The following RNF130 variants were observed in gnomAD, a reference collection of about 807,000 sequenced individuals.
RNF130 encodes ring finger protein 130.
In RNF130, 21 loss-of-function variants were observed where a neutral mutation model predicts 44.6. The observed-to-expected ratio is 0.47, with a 90% confidence interval of 0.33 to 0.68. The LOEUF is 0.68. Ranked by LOEUF, RNF130 falls within the 30% of genes least tolerant of loss-of-function variation. RNF130 has a pLI of 0.02. For missense variants in RNF130, 479 were observed against 560.6 expected, an observed-to-expected ratio of 0.85 and a Z score of 1.47; for synonymous variants, 214 against 210.4, an observed-to-expected ratio of 1.02 and a Z score of -0.15.
At chr5:180,038,058 T>C (rs969466234) in intron 2 of RNF130, among the ~76,000 whole-genome samples, 1 of 152,190 alleles carries the variant, frequency 6.6e-6, no homozygotes, top group Non-Finnish European at 1.5e-5. Flanking sequence ...TTGTTTAGTT[T>C]TGTGTTTGTC....
At chr5:179,918,964 G>C (rs1002677236) in exon 8 of RNF130, 1 of 152,366 alleles carries the variant, frequency 6.6e-6, no homozygotes, top group South Asian at 2.1e-4. Context: ...CACAGTCAGT[G>C]AGAACAGGGC....
chr5:179,932,471 G>A lies in RNF130; in HGVS notation c.1151-12045C>T, dbSNP rs371770048. 1.1e-4 allele frequency among the ~76,000 whole-genome samples: 16 copies of A among 151,948 alleles called. No homozygotes were observed. In the East Asian group the frequency reaches 2.9e-3, roughly 28 times the overall value. On this transcript the variant is annotated intron_variant, in intron 7 of 7. Transcript: ENST00000522208. ...GACGGGGTTTCACCATATTGGTCAG[G>A]CTGGTCTCAAACTCCTGACCTCAAA...
intron 7 of RNF130, among the ~76,000 whole-genome samples, chr5:179,965,021 AT>A (rs1762409664): frequency 6.6e-6 from 1 of 152,210 alleles, no homozygotes; most frequent in Non-Finnish European, 1.5e-5. Flanking sequence ...TTAACACAGT[AT>A]CCTCTTTTTT....
intron 3 of RNF130, among the ~76,000 whole-genome samples, chr5:180,002,786 C>G (rs1204335291): frequency 6.6e-6 from 1 of 152,174 alleles, no homozygotes; most frequent in South Asian, 2.1e-4. Flanking sequence ...TCTGTCATTC[C>G]TCGGATGCAC....
intron 1 of RNF130, among the ~76,000 whole-genome samples, chr5:180,044,996 A>G (rs1038368123): frequency 1.3e-4 from 20 of 152,136 alleles, no homozygotes; most frequent in African/African-American, 3.6e-4. Context: ...CCCACATGGA[A>G]CCCCTGAAAC....
At chr5:180,055,260 AAAAAAAAAAAAAAAAAAAAAC>A (rs1456382859) in intron 1 of RNF130, among the ~76,000 whole-genome samples, 16,363 of 56,410 alleles carry the variant, frequency 0.29, 1,661 homozygotes, top group South Asian at 0.41. Context: ...AAAAAAAAAA[AAAAAAAAAAAAAAAAAAAAAC>A]AAAAAAAAAC....
intron 3 of RNF130, among the ~76,000 whole-genome samples, chr5:179,987,699 C>T (rs918408852): frequency 6.6e-6 from 1 of 152,168 alleles, no homozygotes; most frequent in Non-Finnish European, 1.5e-5. Context: ...TTTTATCAAA[C>T]GCCTTTTCTG....
chr5:179,924,427 G>A (rs1025288403), intron 7 of RNF130, among the ~76,000 whole-genome samples: 7 of 151,950 alleles, frequency 4.6e-5, no homozygotes, highest in Admixed American at 1.3e-4. Context: ...CCCAGGAGGC[G>A]GAGGTTGCGG....
chr5:179,934,187 C>A, intron 7 of RNF130: 1 of 172,968 alleles, frequency 5.8e-6, no homozygotes, highest in Non-Finnish European at 1.2e-5. Flanking sequence ...TCGACGTTGG[C>A]GCATAGCAGC....
intron 3 of RNF130, among the ~76,000 whole-genome samples, chr5:180,004,948 A>G (rs1326270275): frequency 6.6e-6 from 1 of 152,210 alleles, no homozygotes; most frequent in African/African-American, 2.4e-5. Context: ...TTTTCTCAAA[A>G]GAAGCCTCTG....
chr5:179,960,137 G>A (rs867318699), intron 8 of RNF130, among the ~76,000 whole-genome samples: 3 of 152,124 alleles, frequency 2.0e-5, no homozygotes, highest in South Asian at 4.1e-4. Context: ...CATTTCACAA[G>A]GTTTATATGA....
At chr5:180,052,794 G>T (rs1334053330) in intron 1 of RNF130, among the ~76,000 whole-genome samples, 1 of 152,138 alleles carries the variant, frequency 6.6e-6, no homozygotes, top group Admixed American at 6.5e-5. Context: ...TACAGAAAAA[G>T]AAAGACTGAG....
intron 2 of RNF130, among the ~76,000 whole-genome samples, chr5:180,035,799 T>C (rs1764235961): frequency 6.6e-6 from 1 of 152,218 alleles, no homozygotes; most frequent in Non-Finnish European, 1.5e-5. Flanking sequence ...CTAGTGAATT[T>C]TCCATTTCCA....
chr5:180,026,820 T>C (rs1764001325), intron 2 of RNF130, among the ~76,000 whole-genome samples: 2 of 152,354 alleles, frequency 1.3e-5, no homozygotes, highest in Admixed American at 6.5e-5. Flanking sequence ...GTTCAGGGCA[T>C]TCTGCTGACC....
At chr5:179,937,995 T>G (rs1235231018) in intron 7 of RNF130, among the ~76,000 whole-genome samples, 2 of 151,464 alleles carry the variant, frequency 1.3e-5, no homozygotes, top group African/African-American at 4.9e-5. Flanking sequence ...GGTCTCACTC[T>G]GTCACCTAGG....
intron 7 of RNF130, among the ~76,000 whole-genome samples, chr5:179,929,979 A>C (rs1217396833): frequency 1.3e-5 from 2 of 152,170 alleles, no homozygotes; most frequent in Non-Finnish European, 2.9e-5. Context: ...ATCTTCTCTT[A>C]CATATATTCC....
Position 180,071,437 on chromosome 5 carries a change from C to A in RNF130, c.247+19G>T, listed in dbSNP as rs1334815883. The A allele has an allele frequency of 1.6e-6, 2 of 1,233,512 alleles. No homozygotes were observed. The highest frequency in any genetic ancestry group is 2.0e-6 in the Non-Finnish European group (2 of 987,648). 76.4% of individuals were successfully genotyped at this position (1,233,512 alleles called of 1,614,324 possible). A position where few individuals can be genotyped will look rare whatever the true frequency, so the allele number is the denominator to read the frequency against. The stretch of plus-strand genomic sequence containing the variant: ...GGGATGCAGCGACCACCGCCCGCCG[C>A]CCCCGGGCCGGCACTCACCTCCGTG... On this transcript the variant is annotated intron_variant, in intron 1 of 8. Coordinates refer to ENST00000521389, the MANE Select transcript of RNF130 (RefSeq NM_018434.6).
At chr5:179,943,361 A>G (rs1761991494) in intron 7 of RNF130, among the ~76,000 whole-genome samples, 1 of 152,232 alleles carries the variant, frequency 6.6e-6, no homozygotes, top group African/African-American at 2.4e-5. Context: ...CAAGGCACAG[A>G]CAACAGAGAC....
intron 7 of RNF130, among the ~76,000 whole-genome samples, chr5:179,924,000 G>A (rs892530584): frequency 2.0e-5 from 3 of 152,144 alleles, no homozygotes; most frequent in East Asian, 3.9e-4. Context: ...GAGCTGCAGG[G>A]CAACCTCTGT....
Sources: gnomAD v4.1 joint callset for allele counts (sites outside exome capture counted in the v4.1 genomes callset) on GRCh38, gnomAD v4.1.1 for gene constraint, MANE v1.5 for transcripts, NCBI Gene and HGNC (gene_info 2026-07-23, HGNC 2026-07-21) for gene names.